The following SUPT16H variants were observed in gnomAD, a reference collection of about 807,000 sequenced individuals.
SUPT16H encodes the protein SPT16 homolog, facilitates chromatin remodeling subunit.
Under a neutral mutation model 136.2 loss-of-function variants are expected in SUPT16H, and 24 were observed. That is an observed-to-expected ratio of 0.18 (90% confidence interval 0.13 to 0.25). The LOEUF (loss-of-function observed/expected upper bound fraction) is 0.25. Ranked by LOEUF, SUPT16H falls within the 10% of genes least tolerant of loss-of-function variation. The pLI is 1.00. For synonymous variants in SUPT16H, 415 were observed against 428.2 expected, an observed-to-expected ratio of 0.97 and a Z score of 0.38; for missense variants, 623 against 1,270.2, an observed-to-expected ratio of 0.49 and a Z score of 7.74.
Position 21,353,776 on chromosome 14 carries a change from A to G in SUPT16H, c.2847T>C (p.Asn949=). ...SESEIEDETF[N]PSEDDYEEEE... ...CCTCTTCATAGTCATCTTCTGAAGG[A>G]TTAAAAGTCTCATCTTCAATTTCAG... is the stretch of plus-strand genomic sequence containing the variant. Residue 949 remains asparagine, a synonymous_variant, in exon 24 of 26, where the codon AAT becomes AAC. Coordinates refer to ENST00000216297, the MANE Select transcript of SUPT16H (RefSeq NM_007192.4). The G allele has an allele frequency of 6.2e-7, 1 of 1,614,086 alleles. No homozygotes were observed. The highest frequency in any genetic ancestry group is 8.5e-7 in the Non-Finnish European group (1 of 1,179,990).
intron 6 of SUPT16H, among the ~76,000 whole-genome samples, chr14:21,369,001 T>G (rs974121747): frequency 6.6e-6 from 1 of 152,136 alleles, no homozygotes; most frequent in Non-Finnish European, 1.5e-5. Flanking sequence ...AAATTCAATG[T>G]TTGACAGCAG....
intron 3 of SUPT16H, among the ~76,000 whole-genome samples, chr14:21,370,732 G>C (rs1886768542): frequency 6.6e-6 from 1 of 151,952 alleles, no homozygotes; most frequent in South Asian, 2.1e-4. Context: ...TCCTGCCTCG[G>C]CCTCCCAAGT....
At chr14:21,383,482 G>A in intron 1 of SUPT16H, 1 of 578,952 alleles carries the variant, frequency 1.7e-6, no homozygotes, top group South Asian at 2.1e-5. Context: ...GACCAGGGGT[G>A]GAATATTGTG....
rs1292340237 is a variant in SUPT16H, at chr14:21,352,745, C to T, written c.3072G>A (p.Val1024=). 1.2e-6 allele frequency: 2 copies of T among 1,613,958 alleles called. No individual in the cohort carries two copies. Among genetic ancestry groups the T allele is most frequent in the African/African-American group, 2.7e-5 (2 of 74,882 alleles). The change falls in exon 26 of 26, where the codon GTG becomes GTA. Residue 1024 remains valine, a synonymous_variant. Coordinates refer to ENST00000216297, the MANE Select transcript of SUPT16H (RefSeq NM_007192.4). ...GGTTAGAGCCACGGCCCGAACTGTG[C>T]ACAGATGCCTTCCTCTTCCGGCTCA... ...RSMSRKRKAS[V]HSSGRGSNRG...
At chr14:21,357,131 C>T in intron 22 of SUPT16H, 66 bp downstream of exon 22, 1 of 1,442,152 alleles carries the variant, frequency 6.9e-7, no homozygotes, top group Non-Finnish European at 9.2e-7. Context: ...GCACAACATA[C>T]CACATTCAAA....
At chr14:21,365,681 T>C (rs1235177375) in intron 8 of SUPT16H, among the ~76,000 whole-genome samples, 1 of 152,170 alleles carries the variant, frequency 6.6e-6, no homozygotes, top group Non-Finnish European at 1.5e-5. Flanking sequence ...CGTTATTAGG[T>C]ATTTCTAGGT....
intron 15 of SUPT16H, among the ~76,000 whole-genome samples, chr14:21,361,749 C>T (rs555774299): frequency 6.6e-6 from 1 of 152,198 alleles, no homozygotes; most frequent in East Asian, 1.9e-4. Context: ...ATGTTTATTA[C>T]TTTTAACACT....
At chr14:21,374,875 C>A (rs1263548780) in intron 1 of SUPT16H, among the ~76,000 whole-genome samples, 1 of 152,204 alleles carries the variant, frequency 6.6e-6, no homozygotes, top group African/African-American at 2.4e-5. Flanking sequence ...GAGGAATCAT[C>A]AGACTGTTTG....
chr14:21,384,017 C>G lies in SUPT16H; in HGVS notation c.-90G>C. The G allele has an allele frequency of 8.9e-6, 13 of 1,452,982 alleles. No homozygotes were observed. Among genetic ancestry groups the G allele is most frequent in the Middle Eastern group, 2.4e-4 (1 of 4,142 alleles). 90.0% of individuals were successfully genotyped at this position (1,452,982 alleles called of 1,614,324 possible). On this transcript the variant is annotated 5_prime_UTR_variant, in exon 1 of 26. Coordinates refer to ENST00000216297, the MANE Select transcript of SUPT16H (RefSeq NM_007192.4). The stretch of plus-strand genomic sequence containing the variant: ...TCTCGGCCCAGGAATCCCGCACTCT[C>G]CCAATGACCCGGAAGTATCGACCTC...
chr14:21,383,237 A>G, intron 1 of SUPT16H: 1 of 194,864 alleles, frequency 5.1e-6, no homozygotes, highest in Non-Finnish European at 1.0e-5. Flanking sequence ...GGAACTAATA[A>G]GGTTTTAGGC....
Position 21,362,776 on chromosome 14 carries a change from T to G in SUPT16H, c.1665+18A>C, listed in dbSNP as rs755946940. On this transcript the variant is annotated intron_variant, in intron 14 of 25. Coordinates refer to ENST00000216297, the MANE Select transcript of SUPT16H (RefSeq NM_007192.4). The stretch of plus-strand genomic sequence containing the variant: ...AAGCAACAGTTTGGATGAAACCTGA[T>G]GCACTGAATGTCAGTACCTTGATTG... The G allele has an allele frequency of 2.5e-6, 4 of 1,586,124 alleles. No individual in the cohort carries two copies. The East Asian group carries it at 6.7e-5, about 27-fold the overall frequency.
chr14:21,370,815 T>G (rs1886770470), intron 3 of SUPT16H, among the ~76,000 whole-genome samples: 1 of 151,068 alleles, frequency 6.6e-6, no homozygotes, highest in Non-Finnish European at 1.5e-5. Flanking sequence ...CTTGCTCTGT[T>G]GCCAGGCTGG....
intron 1 of SUPT16H, among the ~76,000 whole-genome samples, chr14:21,380,372 G>A (rs1886997765): frequency 7.1e-6 from 1 of 141,822 alleles, no homozygotes. Context: ...CTGGACTCAA[G>A]CAATCCTTCC....
intron 1 of SUPT16H, among the ~76,000 whole-genome samples, chr14:21,382,244 T>C (rs569010241): frequency 2.6e-5 from 4 of 152,344 alleles, no homozygotes; most frequent in Non-Finnish European, 5.9e-5. Context: ...ATTTGGCTCA[T>C]AACTTTACAC....
intron 1 of SUPT16H, 69 bp downstream of exon 1, chr14:21,383,793 G>T (rs761881219): frequency 1.9e-6 from 3 of 1,563,764 alleles, no homozygotes; most frequent in Non-Finnish European, 2.6e-6. Flanking sequence ...AAAAAAGGGC[G>T]CCGAGAAACA....
intron 20 of SUPT16H, 33 bp from the exon 21 acceptor site, chr14:21,358,035 T>C (rs1207900178): frequency 1.3e-6 from 2 of 1,587,970 alleles, no homozygotes; most frequent in East Asian, 2.2e-5. Context: ...ACTGAGCTCA[T>C]CACGAGAGAG....
Position 21,358,301 on chromosome 14 carries a change from A to T in SUPT16H, c.2414+14T>A. The T allele has an allele frequency of 6.4e-7, 1 of 1,550,514 alleles. No individual in the cohort carries two copies. The highest frequency in any genetic ancestry group is 8.8e-7 in the Non-Finnish European group (1 of 1,136,660). On this transcript the variant is annotated intron_variant, in intron 20 of 25. Coordinates refer to ENST00000216297, the MANE Select transcript of SUPT16H (RefSeq NM_007192.4). ...AGACCAGTCAAACTTCAAGCCAAAA[A>T]TAAGATAGGTTACCCCAAGTCCCTA...
chr14:21,363,601 A>G lies in SUPT16H; in HGVS notation c.1234-98T>C, dbSNP rs563821138. 4.1e-5 allele frequency: 42 copies of G among 1,023,084 alleles called. No individual in the cohort carries two copies. In the South Asian group the frequency reaches 5.7e-4, roughly 14 times the overall value. 63.4% of individuals were successfully genotyped at this position (1,023,084 alleles called of 1,614,324 possible). Reference sequence around the variant, plus strand: ...GGGCAATGCTTTGAATCTTTTGGACACTAAAATGTTTGACAATGAATAAAT... The same window carrying G: ...GGGCAATGCTTTGAATCTTTTGGACGCTAAAATGTTTGACAATGAATAAAT... On this transcript the variant is annotated intron_variant, in intron 10 of 25. Transcript: ENST00000216297.
intron 6 of SUPT16H, among the ~76,000 whole-genome samples, chr14:21,368,686 T>A (rs757265008): frequency 7.2e-5 from 11 of 152,214 alleles, no homozygotes; most frequent in Non-Finnish European, 1.3e-4. Flanking sequence ...AGTACTGGAT[T>A]ACAAAAATGC....
Sources: gnomAD v4.1 joint callset for allele counts (sites outside exome capture counted in the v4.1 genomes callset) on GRCh38, gnomAD v4.1.1 for gene constraint, MANE v1.5 for transcripts, NCBI Gene and HGNC (gene_info 2026-07-23, HGNC 2026-07-21) for gene names.